Variants in GMDS observed in about 807,000 individuals in gnomAD.
The protein encoded by GMDS is GDP-mannose 4,6 dehydratase.
A neutral mutation model predicts 49.9 loss-of-function variants in GMDS; 20 were observed. The ratio of observed to expected loss-of-function variants is 0.40; its 90% confidence interval spans 0.28 to 0.58. The LOEUF (loss-of-function observed/expected upper bound fraction) is 0.58. Ranked by LOEUF, GMDS falls within the 20% of genes least tolerant of loss-of-function variation. GMDS has a pLI of 0.42. For missense variants in GMDS, 362 were observed against 481.4 expected, an observed-to-expected ratio of 0.75 and a Z score of 2.32; for synonymous variants, 177 against 178.6, an observed-to-expected ratio of 0.99 and a Z score of 0.07.
intron 4 of GMDS, among the ~76,000 whole-genome samples, chr6:1,975,507 G>A (rs1764849032): frequency 6.6e-6 from 1 of 152,052 alleles, no homozygotes; most frequent in Admixed American, 6.5e-5. Flanking sequence ...CATACAAGCT[G>A]AAAAAGCAAA....
intron 7 of GMDS, among the ~76,000 whole-genome samples, chr6:1,866,948 C>T (rs75623788): frequency 0.04 from 6,080 of 152,328 alleles, 410 homozygotes; most frequent in African/African-American, 0.14. Flanking sequence ...TTATAATTGA[C>T]TGTTTTGTTA....
intron 1 of GMDS, among the ~76,000 whole-genome samples, chr6:2,178,653 C>T (rs1036992740): frequency 1.3e-5 from 2 of 152,140 alleles, no homozygotes; most frequent in South Asian, 2.1e-4. Context: ...GATTCATTCA[C>T]GCTCCACACC....
chr6:1,811,611 G>C (rs1379878562), intron 7 of GMDS, among the ~76,000 whole-genome samples: 2 of 142,872 alleles, frequency 1.4e-5, no homozygotes, highest in African/African-American at 5.2e-5. Context: ...GGAGACTTAC[G>C]GGAAAGAGGT....
At chr6:1,727,103 CAGAA>C (rs1766619242) in intron 8 of GMDS, among the ~76,000 whole-genome samples, 4 of 152,112 alleles carry the variant, frequency 2.6e-5, no homozygotes, top group Non-Finnish European at 5.9e-5. Flanking sequence ...CCAAAAAGTA[CAGAA>C]CTAATTGTTT....
chr6:2,137,143 T>A (rs192174070), intron 1 of GMDS, among the ~76,000 whole-genome samples: 1 of 152,178 alleles, frequency 6.6e-6, no homozygotes, highest in East Asian at 1.9e-4. Flanking sequence ...ATGGTATTTA[T>A]AATTAAAATC....
At chr6:2,068,514 A>AC (rs894755798) in intron 4 of GMDS, among the ~76,000 whole-genome samples, 5 of 152,014 alleles carry the variant, frequency 3.3e-5, no homozygotes, top group Admixed American at 2.0e-4. Context: ...TACCTAGAAA[A>AC]CCCCATTGTC....
chr6:2,245,460 C>G lies in GMDS; in HGVS notation c.-38G>C. ...GCGTGCGGTCGGCGGCAGGGCGGAG[C>G]GCGGCAGAGGGCAGGCGCGGTGCCG... On this transcript the variant is annotated 5_prime_UTR_variant, in exon 1 of 11. Coordinates refer to ENST00000380815, the MANE Select transcript of GMDS (RefSeq NM_001500.4). 7.9e-7 allele frequency: 1 copy of G among 1,270,540 alleles called. No individual in the cohort carries two copies. The highest frequency in any genetic ancestry group is 1.0e-6 in the Non-Finnish European group (1 of 971,128). 78.7% of individuals were successfully genotyped at this position (1,270,540 alleles called of 1,614,324 possible). A position where few individuals can be genotyped will look rare whatever the true frequency, so the allele number is the denominator to read the frequency against.
intron 4 of GMDS, among the ~76,000 whole-genome samples, chr6:2,040,442 G>C (rs1371883833): frequency 6.6e-6 from 1 of 152,182 alleles, no homozygotes; most frequent in African/African-American, 2.4e-5. Flanking sequence ...ACATGGGTTA[G>C]GAAACAGTTA....
intron 1 of GMDS, among the ~76,000 whole-genome samples, chr6:2,162,659 A>AACACACACACAC (rs67198377): frequency 6.8e-4 from 93 of 135,836 alleles, no homozygotes; most frequent in African/African-American, 1.2e-3. Flanking sequence ...ATAACATTCC[A>AACACACACACAC]ACACACACAC....
chr6:1,992,950 C>A (rs917228594), intron 4 of GMDS, among the ~76,000 whole-genome samples: 2 of 152,190 alleles, frequency 1.3e-5, no homozygotes, highest in Non-Finnish European at 2.9e-5. Context: ...ACAAAAAGCA[C>A]AGTGACATTT....
chr6:2,170,340 A>G (rs1777924090), intron 1 of GMDS, among the ~76,000 whole-genome samples: 1 of 152,238 alleles, frequency 6.6e-6, no homozygotes, highest in Non-Finnish European at 1.5e-5. Context: ...TAGAAGCACA[A>G]TTAGGCCAGG....
intron 7 of GMDS, among the ~76,000 whole-genome samples, chr6:1,914,245 A>G (rs1389773803): frequency 1.5e-4 from 22 of 147,274 alleles, no homozygotes; most frequent in Non-Finnish European, 7.4e-5. Flanking sequence ...TCATGAGGTC[A>G]GGAGATTAAG....
chr6:1,883,594 CTA>C (rs1759468063), intron 7 of GMDS, among the ~76,000 whole-genome samples: 1 of 152,070 alleles, frequency 6.6e-6, no homozygotes, highest in Non-Finnish European at 1.5e-5. Context: ...TGAGCTCACT[CTA>C]AAACCCTGTT....
chr6:2,113,197 G>A (rs1423775917), intron 4 of GMDS, among the ~76,000 whole-genome samples: 9 of 152,040 alleles, frequency 5.9e-5, no homozygotes, highest in Admixed American at 1.3e-4. Flanking sequence ...CTGGTCCCCT[G>A]GGCACTGGAG....
At chr6:1,940,872 T>C (rs1002272315) in intron 6 of GMDS, among the ~76,000 whole-genome samples, 1 of 152,182 alleles carries the variant, frequency 6.6e-6, no homozygotes, top group African/African-American at 2.4e-5. Flanking sequence ...GAGGAATAAG[T>C]CCTTTTTATT....
At chr6:1,832,346 T>C (rs1292828051) in intron 7 of GMDS, among the ~76,000 whole-genome samples, 1 of 151,998 alleles carries the variant, frequency 6.6e-6, no homozygotes, top group African/African-American at 2.4e-5. Context: ...TGAGTTATGA[T>C]TGAGCCACTG....
chr6:2,151,800 T>C (rs144211277), intron 1 of GMDS, among the ~76,000 whole-genome samples: 16 of 152,262 alleles, frequency 1.1e-4, no homozygotes, highest in South Asian at 2.1e-4. Flanking sequence ...AATCCATTCA[T>C]CTTAATCTTG....
At chr6:1,909,641 C>G (rs1191569433) in intron 7 of GMDS, among the ~76,000 whole-genome samples, 6 of 152,100 alleles carry the variant, frequency 3.9e-5, no homozygotes, top group Admixed American at 6.5e-5. Flanking sequence ...TGGCTACAGC[C>G]ACTCCAAAAC....
intron 4 of GMDS, among the ~76,000 whole-genome samples, chr6:1,972,266 T>C (rs1235807538): frequency 6.6e-6 from 1 of 151,028 alleles, no homozygotes; most frequent in African/African-American, 2.4e-5. Context: ...GTTTTTGTTT[T>C]TTTTTTTTTT....
Sources: gnomAD v4.1 joint callset for allele counts (sites outside exome capture counted in the v4.1 genomes callset) on GRCh38, gnomAD v4.1.1 for gene constraint, MANE v1.5 for transcripts, NCBI Gene and HGNC (gene_info 2026-07-23, HGNC 2026-07-21) for gene names.